Variants in LOXHD1 observed in about 807,000 individuals in gnomAD.
The protein encoded by LOXHD1 is lipoxygenase homology PLAT domains 1, also known as lipoxygenase homology domain-containing protein 1.
LOXHD1 carries 205 observed loss-of-function variants against 248.2 expected under a neutral mutation model. The observed-to-expected ratio is 0.83, with a 90% confidence interval of 0.74 to 0.93. The LOEUF (loss-of-function observed/expected upper bound fraction) is 0.93. Ranked by LOEUF, LOXHD1 falls within the 40% of genes least tolerant of loss-of-function variation. The pLI, the probability that LOXHD1 is intolerant of heterozygous loss-of-function variation, is 0.00. For synonymous variants in LOXHD1, 1,113 were observed against 1,162.8 expected (o/e 0.96, Z 0.87); for missense variants, 2,930 against 2,971.6 (o/e 0.99, Z 0.33).
In LOXHD1 at chr18:46,559,595, G is replaced by A; in HGVS notation, c.3069C>T (p.Thr1023=). ...PAGKPGPERN[T]YEVQVVTGNV... ...TCCCCGTGACCACCTGAACCTCATA[G>A]GTGTTTCCTGTAGACACAGAAAGAT... Residue 1023 remains threonine, a synonymous_variant, in exon 20 of 41, where the codon ACC becomes ACT. Coordinates refer to ENST00000642948, the MANE Select transcript of LOXHD1 (RefSeq NM_001384474.1). 6.4e-7 allele frequency: 1 copy of A among 1,551,758 alleles called. No individual in the cohort carries two copies. The highest frequency in any genetic ancestry group is 1.7e-4 in the Middle Eastern group (1 of 5,992).
intron 23 of LOXHD1, among the ~76,000 whole-genome samples, 191 bp downstream of exon 23, chr18:46,545,126 A>G (rs1309260221): frequency 6.6e-6 from 1 of 152,228 alleles, no homozygotes; most frequent in Non-Finnish European, 1.5e-5. Flanking sequence ...TAGAACAGAA[A>G]AAGAAAGCTG....
At chr18:46,615,343 T>C (rs568162636) in intron 5 of LOXHD1, among the ~76,000 whole-genome samples, 1 of 152,346 alleles carries the variant, frequency 6.6e-6, no homozygotes, top group Admixed American at 6.5e-5. Context: ...TGACCCAGTA[T>C]GTGATGGGTA....
Position 46,621,020 on chromosome 18 carries a change from G to A in LOXHD1, c.512-2730C>T, listed in dbSNP as rs549886550. Among the ~76,000 whole-genome samples, 15 of 152,318 alleles carry A rather than the reference G, an allele frequency of 9.8e-5. No homozygotes were observed. The East Asian group carries it at 2.9e-3, about 29-fold the overall frequency. The stretch of plus-strand genomic sequence containing the variant: ...AGGAGACCAGGGCTGGTGGAAAGGA[G>A]CTTCTAGGCCTTTCCAGCTGAGGTG... On this transcript the variant is annotated intron_variant, in intron 4 of 40. Transcript: ENST00000642948.
At position 46,530,315 on chromosome 18, in the gene LOXHD1, C is replaced by A. The variant is rs1024906360; in HGVS notation, c.4376-984G>T. On this transcript the variant is annotated intron_variant, in intron 28 of 40. Coordinates refer to ENST00000642948, the MANE Select transcript of LOXHD1 (RefSeq NM_001384474.1). ...GTGGGCCACAGGGACCCCTCACCTG[C>A]ACACAGGGACCCTATAGGGAAGTGA... Among the ~76,000 whole-genome samples, 4 of 152,154 alleles carry A rather than the reference C, an allele frequency of 2.6e-5. No homozygotes were observed. In the South Asian group the frequency reaches 8.3e-4, roughly 32 times the overall value.
chr18:46,483,470 A>G, intron 40 of LOXHD1, 117 bp downstream of exon 40: 1 of 1,252,914 alleles, frequency 8.0e-7, no homozygotes, highest in Non-Finnish European at 1.1e-6. Context: ...TGAACAGGGT[A>G]ATCTTGACCT....
At chr18:46,498,301 C>T (rs181286199) in intron 37 of LOXHD1, among the ~76,000 whole-genome samples, 1 of 152,278 alleles carries the variant, frequency 6.6e-6, no homozygotes, top group Admixed American at 6.5e-5. Flanking sequence ...GTCCAGTGGC[C>T]TTGAATATTT....
At chr18:46,481,664 T>C (rs1650149036) in intron 40 of LOXHD1, among the ~76,000 whole-genome samples, 1 of 152,188 alleles carries the variant, frequency 6.6e-6, no homozygotes, top group Admixed American at 6.5e-5. Context: ...TCCTCACAGA[T>C]ATCTCTTCCT....
intron 3 of LOXHD1, among the ~76,000 whole-genome samples, chr18:46,640,735 A>G (rs1399215029): frequency 6.6e-6 from 1 of 152,184 alleles, no homozygotes; most frequent in Non-Finnish European, 1.5e-5. Flanking sequence ...ATAGCCACAT[A>G]TGGTCAGGGG....
chr18:46,639,943 C>T, intron 3 of LOXHD1, 143 bp from the exon 4 acceptor site: 3 of 1,014,908 alleles, frequency 3.0e-6, no homozygotes, highest in Non-Finnish European at 4.3e-6. Flanking sequence ...ACCTCGGTTT[C>T]CTCATCTATA....
At position 46,480,691 on chromosome 18, in the gene LOXHD1, G is replaced by A. The variant is rs113734062; in HGVS notation, c.6342-2739C>T. Among the ~76,000 whole-genome samples, 961 of 152,216 alleles carry A rather than the reference G, an allele frequency of 6.3e-3. 15 individuals are homozygous for A. Among genetic ancestry groups the A allele is most frequent in the African/African-American group, 0.022 (910 of 41,520 alleles). Reference sequence around the variant, plus strand: ...TAAAGGCAAAAGCAGAGAAAAATGAGCAGAAAAAAGTGATACATATTCAAA... The same window carrying A: ...TAAAGGCAAAAGCAGAGAAAAATGAACAGAAAAAAGTGATACATATTCAAA... On this transcript the variant is annotated intron_variant, in intron 40 of 40. Coordinates refer to ENST00000642948, the MANE Select transcript of LOXHD1 (RefSeq NM_001384474.1).
intron 7 of LOXHD1, among the ~76,000 whole-genome samples, chr18:46,602,509 A>T (rs1345461101): frequency 6.6e-6 from 1 of 152,042 alleles, no homozygotes; most frequent in South Asian, 2.1e-4. Context: ...CCTGGCCTAC[A>T]TTCTGTAATT....
chr18:46,560,126 T>C lies in LOXHD1; in HGVS notation c.3018A>G (p.Glu1006=). ...RWLARGKEDN[E]LVVELVPAGK... ...CAGCTGGCACCAACTCCACGACAAGTTCGTTGTCCTCCTTGCCCCGGGCCA... is the reference window on the plus strand; with the variant it reads ...CAGCTGGCACCAACTCCACGACAAGCTCGTTGTCCTCCTTGCCCCGGGCCA... The change falls in exon 19 of 41, where the codon GAA becomes GAG. Residue 1006 remains glutamate (E), a synonymous_variant. Coordinates refer to ENST00000642948, the MANE Select transcript of LOXHD1 (RefSeq NM_001384474.1). 1 of 1,331,186 alleles carries C rather than the reference T, an allele frequency of 7.5e-7. No individual in the cohort carries two copies. Among genetic ancestry groups the C allele is most frequent in the Non-Finnish European group, 9.9e-7 (1 of 1,011,700 alleles). 82.5% of individuals were successfully genotyped at this position (1,331,186 alleles called of 1,614,324 possible).
intron 37 of LOXHD1, among the ~76,000 whole-genome samples, chr18:46,493,728 AG>A (rs2143698307): frequency 6.6e-6 from 1 of 152,344 alleles, no homozygotes; most frequent in East Asian, 1.9e-4. Context: ...CAATCTTTTC[AG>A]GCAAGAGATG....
intron 4 of LOXHD1, among the ~76,000 whole-genome samples, chr18:46,623,668 C>T (rs2038699110): frequency 6.6e-6 from 1 of 152,274 alleles, no homozygotes; most frequent in Non-Finnish European, 1.5e-5. Context: ...CCCTTGCCGG[C>T]TGGCCGGAAG....
chr18:46,516,078 C>T (rs1172063538), intron 34 of LOXHD1, among the ~76,000 whole-genome samples: 2 of 152,218 alleles, frequency 1.3e-5, no homozygotes, highest in African/African-American at 4.8e-5. Flanking sequence ...AACTGAGTCT[C>T]TTGTTGTAGC....
At chr18:46,528,132 G>A (rs1200951260) in intron 29 of LOXHD1, among the ~76,000 whole-genome samples, 2 of 152,194 alleles carry the variant, frequency 1.3e-5, no homozygotes, top group Admixed American at 1.3e-4. Context: ...GGTTTAAGGA[G>A]ACCCTTGATA....
chr18:46,508,848 AG>A (rs1174088467), intron 35 of LOXHD1, among the ~76,000 whole-genome samples: 2 of 152,072 alleles, frequency 1.3e-5, no homozygotes, highest in African/African-American at 4.8e-5. Flanking sequence ...CTAACATCAC[AG>A]TGGTTCTCAT....
intron 12 of LOXHD1, among the ~76,000 whole-genome samples, chr18:46,585,553 A>G (rs563228536): frequency 2.6e-5 from 4 of 152,170 alleles, no homozygotes; most frequent in Non-Finnish European, 5.9e-5. Context: ...ATCTAAATAA[A>G]TGGAAAAACA....
intron 37 of LOXHD1, among the ~76,000 whole-genome samples, chr18:46,490,421 C>T (rs184549832): frequency 7.2e-5 from 11 of 152,336 alleles, no homozygotes; most frequent in African/African-American, 2.6e-4. Flanking sequence ...AAAACAGCAC[C>T]AATAGAGTTA....
Sources: allele counts gnomAD v4.1 joint callset (sites outside exome capture counted in the v4.1 genomes callset), GRCh38; gene constraint gnomAD v4.1.1; transcripts MANE v1.5; gene names NCBI Gene and HGNC (gene_info 2026-07-23, HGNC 2026-07-21).